Variants in SDK1 observed in about 807,000 individuals in gnomAD.
SDK1 encodes the protein protein sidekick-1.
Under a neutral mutation model 245.5 loss-of-function variants are expected in SDK1, and 157 were observed. That is an observed-to-expected ratio of 0.64 (90% confidence interval 0.56 to 0.73). The LOEUF is 0.73. SDK1 is among the 30% of genes least tolerant of loss of function. The probability of loss-of-function intolerance (pLI) is 0.00; values close to 1 mark genes in which losing one functional copy is unlikely to be tolerated. For synonymous variants in SDK1, 1,647 were observed against 1,278.5 expected (o/e 1.29, Z -6.15); for missense variants, 3,583 against 3,002.3 (o/e 1.19, Z -4.52).
At chr7:4,186,014 T>A (rs1782876239) in intron 35 of SDK1, among the ~76,000 whole-genome samples, 2 of 152,154 alleles carry the variant, frequency 1.3e-5, no homozygotes, top group Admixed American at 6.5e-5. Flanking sequence ...AAAGCAAGGC[T>A]TCCTGTCCAG....
At chr7:3,788,704 A>AT (rs1780986961) in intron 4 of SDK1, among the ~76,000 whole-genome samples, 1 of 152,170 alleles carries the variant, frequency 6.6e-6, no homozygotes, top group Non-Finnish European at 1.5e-5. Flanking sequence ...AAGTTTATGA[A>AT]TTTGTGTTGG....
At chr7:3,654,106 C>T (rs1009604133) in intron 4 of SDK1, among the ~76,000 whole-genome samples, 1 of 152,090 alleles carries the variant, frequency 6.6e-6, no homozygotes, top group African/African-American at 2.4e-5. Context: ...GAGGAAGGAC[C>T]CTGGTGTAGA....
chr7:3,600,899 C>G (rs1781234349), intron 1 of SDK1, among the ~76,000 whole-genome samples: 2 of 152,148 alleles, frequency 1.3e-5, no homozygotes, highest in African/African-American at 4.8e-5. Context: ...GAACTCCTCT[C>G]TATTCCTAAT....
chr7:3,510,517 C>A (rs1320101102), intron 1 of SDK1, among the ~76,000 whole-genome samples: 1 of 152,096 alleles, frequency 6.6e-6, no homozygotes, highest in Non-Finnish European at 1.5e-5. Flanking sequence ...CATGGGAGCC[C>A]TCAGAATGAA....
intron 12 of SDK1, among the ~76,000 whole-genome samples, chr7:3,971,920 G>C (rs987117056): frequency 1.3e-5 from 2 of 151,976 alleles, no homozygotes; most frequent in African/African-American, 2.4e-5. Flanking sequence ...TTGTTTACAC[G>C]GGGGCTGTGC....
At chr7:3,750,168 G>GT (rs1375416856) in intron 4 of SDK1, among the ~76,000 whole-genome samples, 1 of 152,198 alleles carries the variant, frequency 6.6e-6, no homozygotes, top group Non-Finnish European at 1.5e-5. Context: ...CTTCGTATTT[G>GT]TTTATCATTG....
chr7:3,821,274 A>G (rs559814786), intron 4 of SDK1, among the ~76,000 whole-genome samples, 176 bp from the exon 5 acceptor site: 5 of 152,334 alleles, frequency 3.3e-5, no homozygotes, highest in African/African-American at 9.6e-5. Flanking sequence ...CTGGATCAGA[A>G]GAGGCTCTCT....
intron 5 of SDK1, among the ~76,000 whole-genome samples, chr7:3,860,388 C>T (rs1780662198): frequency 6.6e-6 from 1 of 152,104 alleles, no homozygotes; most frequent in Non-Finnish European, 1.5e-5. Flanking sequence ...GTGATGAATA[C>T]ATATTGCCAG....
intron 1 of SDK1, among the ~76,000 whole-genome samples, chr7:3,405,698 G>C (rs1779032481): frequency 1.3e-5 from 2 of 152,126 alleles, no homozygotes; most frequent in South Asian, 4.1e-4. Flanking sequence ...CACAGTAGTA[G>C]CAGGTAGTGA....
chr7:4,139,645 GTA>G (rs1280562863), intron 28 of SDK1, among the ~76,000 whole-genome samples: 1,152 of 66,586 alleles, frequency 0.017, 120 homozygotes, highest in African/African-American at 0.053. Flanking sequence ...ATATGTGTGT[GTA>G]TATGTGTGTG....
intron 28 of SDK1, among the ~76,000 whole-genome samples, chr7:4,143,981 C>T (rs1369305917): frequency 2.0e-5 from 3 of 152,174 alleles, no homozygotes; most frequent in Non-Finnish European, 2.9e-5. Flanking sequence ...GAGTGCGGGG[C>T]GGCCAGGAGC....
At chr7:3,467,349 GC>G (rs1271397440) in intron 1 of SDK1, among the ~76,000 whole-genome samples, 1 of 151,846 alleles carries the variant, frequency 6.6e-6, no homozygotes, top group Non-Finnish European at 1.5e-5. Flanking sequence ...GTAATTAAGA[GC>G]CCCACTCATG....
chr7:3,908,897 C>G (rs145557590), intron 5 of SDK1, among the ~76,000 whole-genome samples: 2 of 150,760 alleles, frequency 1.3e-5, no homozygotes, highest in Non-Finnish European at 2.9e-5. Context: ...ATGGGTTGGA[C>G]TCTCCTACTT....
chr7:4,210,821 A>C (rs147167825), intron 38 of SDK1, among the ~76,000 whole-genome samples: 87 of 152,318 alleles, frequency 5.7e-4, no homozygotes, highest in African/African-American at 2.1e-3. Context: ...ACACACAGGT[A>C]ATTAAATCAG....
At chr7:3,446,800 T>C (rs1354309785) in intron 1 of SDK1, among the ~76,000 whole-genome samples, 1 of 152,192 alleles carries the variant, frequency 6.6e-6, no homozygotes, top group Non-Finnish European at 1.5e-5. Context: ...TAGCTGCAAG[T>C]GTTTGTGGAT....
chr7:3,586,108 G>A (rs976233301), intron 1 of SDK1, among the ~76,000 whole-genome samples: 1 of 152,074 alleles, frequency 6.6e-6, no homozygotes, highest in African/African-American at 2.4e-5. Context: ...AGGGAGGTGT[G>A]TAGAGTCGCT....
At chr7:3,336,357 C>G (rs955416513) in intron 1 of SDK1, among the ~76,000 whole-genome samples, 1 of 152,146 alleles carries the variant, frequency 6.6e-6, no homozygotes, top group African/African-American at 2.4e-5. Flanking sequence ...GGGAGCTGAT[C>G]TTCCACCCTC....
At chr7:3,984,296 T>C (rs1245994494) in intron 13 of SDK1, among the ~76,000 whole-genome samples, 1 of 152,048 alleles carries the variant, frequency 6.6e-6, no homozygotes, top group Non-Finnish European at 1.5e-5. Context: ...TTTAAGTGAG[T>C]GTCTGCAAAG....
intron 4 of SDK1, among the ~76,000 whole-genome samples, chr7:3,668,775 A>T (rs1583289619): frequency 6.6e-6 from 1 of 152,236 alleles, no homozygotes; most frequent in African/African-American, 2.4e-5. Flanking sequence ...TGAGTGATAG[A>T]GTGAAATTCC....
Sources: gnomAD v4.1 joint callset for allele counts (sites outside exome capture counted in the v4.1 genomes callset) on GRCh38, gnomAD v4.1.1 for gene constraint, MANE v1.5 for transcripts, NCBI Gene and HGNC (gene_info 2026-07-23, HGNC 2026-07-21) for gene names.